Variants in MRC1 observed in about 807,000 individuals in gnomAD.
The protein encoded by MRC1 is mannose receptor C-type 1.
Under a neutral mutation model 102.9 loss-of-function variants are expected in MRC1, and 62 were observed. The ratio of observed to expected loss-of-function variants is 0.60; its 90% CI spans 0.49 to 0.74. MRC1 has a LOEUF of 0.74. MRC1 is among the 30% of genes least tolerant of loss of function. The probability of loss-of-function intolerance (pLI) is 0.00; values close to 1 mark genes in which losing one functional copy is unlikely to be tolerated. For missense variants in MRC1, 1,237 were observed against 862.8 expected (o/e 1.43, Z -5.43); for synonymous variants, 457 against 298.4 (o/e 1.53, Z -5.48).
chr10:17,882,078 C>T (rs1833528780), intron 21 of MRC1, among the ~76,000 whole-genome samples: 1 of 151,890 alleles, frequency 6.6e-6, no homozygotes, highest in Non-Finnish European at 1.5e-5. Context: ...AAGAAAGGTA[C>T]CCACCATTTC....
chr10:17,878,881 G>T (rs890221997), intron 18 of MRC1, among the ~76,000 whole-genome samples: 29 of 152,162 alleles, frequency 1.9e-4, no homozygotes, highest in African/African-American at 7.0e-4. Flanking sequence ...GACAAGGAAC[G>T]CCATTTTATC....
intron 23 of MRC1, among the ~76,000 whole-genome samples, chr10:17,897,465 A>G (rs1833771825): frequency 6.6e-6 from 1 of 152,196 alleles, no homozygotes; most frequent in Non-Finnish European, 1.5e-5. Flanking sequence ...AATCATCAAG[A>G]GTAAAGCTTG....
intron 1 of MRC1, among the ~76,000 whole-genome samples, chr10:17,813,997 C>T (rs938245819): frequency 5.9e-5 from 9 of 152,216 alleles, no homozygotes; most frequent in Admixed American, 5.2e-4. Context: ...CCATGCTCAA[C>T]CTTAGGTTTT....
chr10:17,900,967 TA>T lies in MRC1; in HGVS notation c.3649+19del. ...AAAGATCAGATGGTAATTGAATATA[TA>T]AAAACAGTCAGGGGATCTGAAAATT... On this transcript the variant is annotated intron_variant, in intron 25 of 29. Transcript: ENST00000569591. 5 of 778,804 alleles carry T rather than the reference TA, an allele frequency of 6.4e-6. No individual in the cohort carries two copies. The highest frequency in any genetic ancestry group is 9.6e-6 in the Non-Finnish European group (4 of 417,008). The allele number at this position is 778,804 out of a possible 1,614,324, so 48.2% of individuals were successfully genotyped here.
chr10:17,848,602 CTCTAT>C (rs1838864973), intron 6 of MRC1, among the ~76,000 whole-genome samples: 1 of 152,068 alleles, frequency 6.6e-6, no homozygotes, highest in Non-Finnish European at 1.5e-5. Flanking sequence ...AGCACACTCT[CTCTAT>C]TCTTTTCTAG....
chr10:17,820,865 C>T (rs1013508065), intron 1 of MRC1, among the ~76,000 whole-genome samples: 2 of 151,898 alleles, frequency 1.3e-5, no homozygotes, highest in East Asian at 1.9e-4. Flanking sequence ...TTTAAAAAAC[C>T]GTTTTTATTT....
chr10:17,840,132 G>A (rs12775023), intron 4 of MRC1, among the ~76,000 whole-genome samples: 17,839 of 133,628 alleles, frequency 0.13, 1,081 homozygotes, highest in Middle Eastern at 0.19. Context: ...GCTGAGGTCC[G>A]TGTTGTTTCT....
intron 26 of MRC1, among the ~76,000 whole-genome samples, chr10:17,903,030 A>G (rs1379691844): frequency 1.3e-5 from 2 of 152,078 alleles, no homozygotes; most frequent in South Asian, 2.1e-4. Context: ...ATTTTATCTA[A>G]TATTTGTGTA....
intron 8 of MRC1, among the ~76,000 whole-genome samples, chr10:17,855,894 C>T (rs1437403060): frequency 1.3e-5 from 2 of 152,198 alleles, no homozygotes. Context: ...ATTGGCCGGG[C>T]GCAGTGGCTC....
intron 1 of MRC1, among the ~76,000 whole-genome samples, chr10:17,811,023 C>T (rs1200600828): frequency 2.6e-5 from 4 of 152,150 alleles, no homozygotes; most frequent in Non-Finnish European, 4.4e-5. Context: ...GAACTCCTGA[C>T]CTCAAGTGAT....
intron 4 of MRC1, among the ~76,000 whole-genome samples, chr10:17,836,263 A>G (rs1838660288): frequency 6.6e-6 from 1 of 152,188 alleles, no homozygotes; most frequent in African/African-American, 2.4e-5. Context: ...AGGATAGAAA[A>G]GCAATATGAT....
At chr10:17,851,566 T>C (rs1312957068) in intron 7 of MRC1, among the ~76,000 whole-genome samples, 1 of 152,170 alleles carries the variant, frequency 6.6e-6, no homozygotes, top group African/African-American at 2.4e-5. Context: ...AGGATCAAGA[T>C]TGTGCTTAGG....
In MRC1 at chr10:17,827,367, ATACCC is replaced by A. The variant is rs1554838716; in HGVS notation, c.464-174_464-170del. ...TAGGGTAGAAGGAGAAGGAAAAAAA[ATACCC>A]AAAAAAAAAAAAAAAAAAAAAAAAA... On this transcript the variant is annotated intron_variant, in intron 2 of 29. Coordinates refer to ENST00000569591, the MANE Select transcript of MRC1 (RefSeq NM_002438.4). 1.6e-3 allele frequency among the ~76,000 whole-genome samples: 189 copies of A among 120,046 alleles called. 2 individuals carry two copies. Among genetic ancestry groups the A allele is most frequent in the African/African-American group, 6.4e-3 (182 of 28,340 alleles). The allele number at this position is 120,046 out of a possible 152,430, so 78.8% of individuals were successfully genotyped here.
chr10:17,819,955 G>A (rs1189006397), intron 1 of MRC1, among the ~76,000 whole-genome samples: 2 of 152,164 alleles, frequency 1.3e-5, no homozygotes, highest in South Asian at 2.1e-4. Flanking sequence ...AAAAACAAAC[G>A]AACAAACAAA....
chr10:17,887,128 A>G (rs2130700230), intron 22 of MRC1, among the ~76,000 whole-genome samples: 1 of 152,172 alleles, frequency 6.6e-6, no homozygotes, highest in African/African-American at 2.4e-5. Flanking sequence ...TTCTTTCTTT[A>G]CTTCTCTAAT....
At chr10:17,853,566 A>G (rs1207728446) in intron 8 of MRC1, among the ~76,000 whole-genome samples, 4,130 of 138,298 alleles carry the variant, frequency 0.03, 108 homozygotes, top group African/African-American at 0.078. Context: ...AAAGAGATAT[A>G]TATGTATGTG....
chr10:17,847,081 G>T (rs1163096044), intron 6 of MRC1, among the ~76,000 whole-genome samples: 1 of 152,094 alleles, frequency 6.6e-6, no homozygotes, highest in Admixed American at 6.5e-5. Flanking sequence ...CCATAGTGAC[G>T]GTGGGTATCT....
intron 1 of MRC1, among the ~76,000 whole-genome samples, chr10:17,813,700 A>ATATATATATATATTT: frequency 1.6e-5 from 2 of 125,694 alleles, no homozygotes; most frequent in East Asian, 4.3e-4. Context: ...ATATATATAT[A>ATATATATATATATTT]TTTTTTTTTT....
In MRC1 at chr10:17,910,258, G is replaced by C. The variant is rs1415360444; in HGVS notation, c.4164G>C (p.Val1388=). The C allele has an allele frequency of 2.6e-6, 2 of 780,880 alleles. No homozygotes were observed. Among genetic ancestry groups the C allele is most frequent in the East Asian group, 4.8e-5 (2 of 41,250 alleles). The allele number at this position is 780,880 out of a possible 1,614,324, so 48.4% of individuals were successfully genotyped here. Residue 1388 remains valine, a synonymous_variant, in exon 30 of 30, where the codon GTG becomes GTC. Coordinates refer to ENST00000569591, the MANE Select transcript of MRC1 (RefSeq NM_002438.4). ...KMDPSKPSSN[V]AGVVIIVILL... is the part of the protein sequence containing the mutation. The stretch of plus-strand genomic sequence containing the variant: ...ACCCTTCTAAACCGTCTTCCAACGT[G>C]GCCGGAGTAGTCATCATTGTGATCC...
Sources: allele counts gnomAD v4.1 joint callset (sites outside exome capture counted in the v4.1 genomes callset), GRCh38; gene constraint gnomAD v4.1.1; transcripts MANE v1.5; gene names NCBI Gene and HGNC (gene_info 2026-07-23, HGNC 2026-07-21).